NRCAM: variants seen among roughly 807,000 people sequenced by gnomAD.
NRCAM encodes NgCAM-related cell adhesion molecule.
Under a neutral mutation model 156.5 loss-of-function variants are expected in NRCAM, and 83 were observed. The observed-to-expected ratio is 0.53, with a 90% confidence interval of 0.44 to 0.64. NRCAM has a LOEUF of 0.64. Ranked by LOEUF, NRCAM falls within the 30% of genes least tolerant of loss-of-function variation. The pLI is 0.00. For missense variants in NRCAM, 1,417 were observed against 1,597.3 expected, an observed-to-expected ratio of 0.89 and a Z score of 1.92; for synonymous variants, 538 against 563.9, an observed-to-expected ratio of 0.95 and a Z score of 0.65.
intron 3 of NRCAM, among the ~76,000 whole-genome samples, chr7:108,285,942 T>C (rs749581916): frequency 5.3e-5 from 8 of 152,322 alleles, no homozygotes; most frequent in Non-Finnish European, 1.2e-4. Flanking sequence ...AATGCACATA[T>C]GTTTCATTCC....
Position 108,393,381 on chromosome 7 carries a change from T to A in NRCAM, c.-174+6055A>T, listed in dbSNP as rs547563962. ...CCTCCGAGCCAGGTGCCAGATATAA[T>A]CTCTGTTTATATATAATATAAACTG... On this transcript the variant is annotated intron_variant, in intron 2 of 32. Coordinates refer to ENST00000379028, the MANE Select transcript of NRCAM (RefSeq NM_001037132.4). Among the ~76,000 whole-genome samples the A allele has an allele frequency of 7.9e-5, 12 of 152,214 alleles. No homozygotes were observed. In the South Asian group the frequency reaches 2.5e-3, roughly 32 times the overall value.
chr7:108,342,881 A>G lies in NRCAM; in HGVS notation c.-173-30150T>C, dbSNP rs761273348. Among the ~76,000 whole-genome samples the G allele has an allele frequency of 3.3e-5, 5 of 152,220 alleles. No homozygotes were observed. In the South Asian group the frequency reaches 8.3e-4, roughly 25 times the overall value. ...AAAGGAGACTTGTGGCTGTCAGACAACCGTTTACTTAAATATCAGGCTCTA... is the reference window on the plus strand; with the variant it reads ...AAAGGAGACTTGTGGCTGTCAGACAGCCGTTTACTTAAATATCAGGCTCTA... On this transcript the variant is annotated intron_variant, in intron 2 of 32. Transcript: ENST00000379028.
At chr7:108,396,720 T>C (rs903590635) in intron 2 of NRCAM, among the ~76,000 whole-genome samples, 2 of 152,206 alleles carry the variant, frequency 1.3e-5, no homozygotes, top group Non-Finnish European at 2.9e-5. Context: ...ATGAAATATG[T>C]ATAATCATTA....
At chr7:108,277,614 G>T (rs998836489) in intron 3 of NRCAM, among the ~76,000 whole-genome samples, 5 of 151,886 alleles carry the variant, frequency 3.3e-5, no homozygotes, top group African/African-American at 1.2e-4. Context: ...CTCTACACTG[G>T]TTATTCTAGT....
At chr7:108,387,681 A>G (rs1376895046) in intron 2 of NRCAM, among the ~76,000 whole-genome samples, 1 of 152,014 alleles carries the variant, frequency 6.6e-6, no homozygotes, top group Non-Finnish European at 1.5e-5. Context: ...CGTCATTTAC[A>G]TTAGGTATAT....
intron 3 of NRCAM, among the ~76,000 whole-genome samples, chr7:108,279,931 C>T (rs951145963): frequency 1.6e-4 from 25 of 152,040 alleles, no homozygotes; most frequent in African/African-American, 5.1e-4. Flanking sequence ...TAAATGTGGG[C>T]GGAGTGTTTT....
intron 1 of NRCAM, among the ~76,000 whole-genome samples, chr7:108,424,688 A>T (rs997999205): frequency 1.3e-5 from 2 of 152,196 alleles, no homozygotes; most frequent in African/African-American, 2.4e-5. Context: ...GAAATTGAAT[A>T]ATATATTCTA....
intron 15 of NRCAM, 134 bp from the exon 16 acceptor site, chr7:108,194,562 A>T: frequency 3.3e-6 from 2 of 603,658 alleles, no homozygotes; most frequent in Non-Finnish European, 2.8e-6. Context: ...TGTACTTTTG[A>T]AAGTATCAAT....
chr7:108,392,947 C>T (rs992899854), intron 2 of NRCAM, among the ~76,000 whole-genome samples: 6 of 152,234 alleles, frequency 3.9e-5, no homozygotes, highest in Admixed American at 3.9e-4. Flanking sequence ...AGAGGGGTAC[C>T]CAGCCGTGTG....
chr7:108,164,491 A>C (rs187616281), intron 30 of NRCAM, among the ~76,000 whole-genome samples: 1 of 149,464 alleles, frequency 6.7e-6, no homozygotes, highest in Admixed American at 6.6e-5. Flanking sequence ...CAGAGTTTAA[A>C]AATTAGCCAA....
chr7:108,384,406 G>T lies in NRCAM; in HGVS notation c.-174+15030C>A, dbSNP rs1595897742. On this transcript the variant is annotated intron_variant, in intron 2 of 32. Coordinates refer to ENST00000379028, the MANE Select transcript of NRCAM (RefSeq NM_001037132.4). ...TTGAAGGGCACAAGATGGGAGATGG[G>T]TTGGGGGAAAGAAAAGCTCCTATTT... Among the ~76,000 whole-genome samples, 5 of 152,204 alleles carry T rather than the reference G, an allele frequency of 3.3e-5. No homozygotes were observed. The South Asian group carries it at 1.0e-3, about 32-fold the overall frequency.
At chr7:108,437,098 A>G (rs1400136521) in intron 1 of NRCAM, among the ~76,000 whole-genome samples, 2 of 152,252 alleles carry the variant, frequency 1.3e-5, no homozygotes, top group Admixed American at 6.5e-5. Context: ...AAAAAGGATG[A>G]GATCCTGTCA....
At chr7:108,391,741 C>A (rs1026857359) in intron 2 of NRCAM, among the ~76,000 whole-genome samples, 10 of 152,194 alleles carry the variant, frequency 6.6e-5, no homozygotes, top group Admixed American at 4.6e-4. Flanking sequence ...TTTAGTGCTT[C>A]CTTCAGGAGC....
intron 2 of NRCAM, among the ~76,000 whole-genome samples, chr7:108,399,170 T>TG (rs774016100): frequency 0.012 from 1,610 of 134,526 alleles, 20 homozygotes; most frequent in Non-Finnish European, 0.019. Context: ...GGTGTGTGTG[T>TG]TTGTGTGTGT....
chr7:108,175,167 A>G (rs2060010313), intron 28 of NRCAM, among the ~76,000 whole-genome samples, 155 bp downstream of exon 28: 2 of 152,196 alleles, frequency 1.3e-5, no homozygotes, highest in African/African-American at 2.4e-5. Flanking sequence ...TAAAGAAAGG[A>G]CTAGAAATTA....
chr7:108,423,899 T>A (rs1813576521), intron 1 of NRCAM, among the ~76,000 whole-genome samples: 1 of 152,208 alleles, frequency 6.6e-6, no homozygotes, highest in African/African-American at 2.4e-5. Flanking sequence ...TGAAATCCTT[T>A]TTCTGGAAGT....
chr7:108,164,971 A>G (rs1465965623), intron 30 of NRCAM, among the ~76,000 whole-genome samples: 2 of 152,234 alleles, frequency 1.3e-5, no homozygotes, highest in African/African-American at 4.8e-5. Flanking sequence ...TTTGTCCTAT[A>G]GAAGGACAAC....
chr7:108,350,187 C>A (rs181742963), intron 2 of NRCAM, among the ~76,000 whole-genome samples: 1 of 152,318 alleles, frequency 6.6e-6, no homozygotes, highest in East Asian at 1.9e-4. Flanking sequence ...TCTGAAATGG[C>A]GTTCCTGCTT....
At chr7:108,327,054 T>A (rs1164170553) in intron 2 of NRCAM, among the ~76,000 whole-genome samples, 1 of 152,210 alleles carries the variant, frequency 6.6e-6, no homozygotes, top group African/African-American at 2.4e-5. Context: ...TTAATCTACC[T>A]AACACCAGCT....
Sources: allele counts gnomAD v4.1 joint callset (sites outside exome capture counted in the v4.1 genomes callset), GRCh38; gene constraint gnomAD v4.1.1; transcripts MANE v1.5; gene names NCBI Gene and HGNC (gene_info 2026-07-23, HGNC 2026-07-21).